The following UNC13B variants were observed in gnomAD, a reference collection of about 807,000 sequenced individuals.
The protein encoded by UNC13B is unc-13 homolog B, also known as protein unc-13 homolog B.
In UNC13B, 144 loss-of-function variants were observed where a neutral mutation model predicts 211.0. The ratio of observed to expected loss-of-function variants is 0.68; its 90% confidence interval spans 0.60 to 0.78. UNC13B has a LOEUF of 0.78. Among genes scored for constraint, UNC13B ranks in the 30% least tolerant of loss-of-function variants. The pLI, the probability that UNC13B is intolerant of heterozygous loss-of-function variation, is 0.00. For missense variants in UNC13B, 1,777 were observed against 2,002.0 expected, an observed-to-expected ratio of 0.89 and a Z score of 2.14; for synonymous variants, 709 against 725.8, an observed-to-expected ratio of 0.98 and a Z score of 0.37.
At chr9:35,309,112 A>G (rs1055601487) in intron 9 of UNC13B, among the ~76,000 whole-genome samples, 1 of 152,138 alleles carries the variant, frequency 6.6e-6, no homozygotes, top group Non-Finnish European at 1.5e-5. Flanking sequence ...TACAGGATCT[A>G]TCTGCAGAGG....
chr9:35,291,130 C>G, intron 7 of UNC13B: 1 of 1,549,372 alleles, frequency 6.5e-7, no homozygotes, highest in Non-Finnish European at 8.7e-7. Context: ...AATTCCTTAT[C>G]ATTTTCTTGA....
At chr9:35,399,311 C>A (rs1296562684) in intron 34 of UNC13B, 27 bp downstream of exon 34, 15 of 1,614,164 alleles carry the variant, frequency 9.3e-6, no homozygotes, top group Non-Finnish European at 1.3e-5. Context: ...CCACTTCCTC[C>A]TGCTGTCTCC....
At chr9:35,199,236 C>A (rs1587354270) in intron 1 of UNC13B, among the ~76,000 whole-genome samples, 1 of 152,340 alleles carries the variant, frequency 6.6e-6, no homozygotes. Context: ...TTAATCCGAT[C>A]TATCACTGAT....
At chr9:35,222,117 A>G (rs751006180) in intron 1 of UNC13B, among the ~76,000 whole-genome samples, 1 of 152,078 alleles carries the variant, frequency 6.6e-6, no homozygotes, top group Non-Finnish European at 1.5e-5. Context: ...TTTTCCCCCA[A>G]AATGTTTTTT....
rs984355820 is a variant in UNC13B, at chr9:35,304,568, T to C, written c.5164T>C (p.Ser1722Pro). The C allele has an allele frequency of 2.5e-6, 1 of 398,608 alleles. No individual in the cohort carries two copies. The highest frequency in any genetic ancestry group is 2.1e-5 in the African/African-American group (1 of 48,560). 24.7% of individuals were successfully genotyped at this position (398,608 alleles called of 1,614,324 possible). ...TTCCAGTTTCCATTGGCTTCAGTCT[T>C]CTGTTGAAGAAGTTACCACTTTGGT... ...HLSSFHWLQS[S>P]VEEVTTLVHP... Residue 1722 changes from serine (S) to proline (P), a missense_variant, in exon 9 of 40, where the codon TCT (serine) becomes CCT (proline). Transcript: ENST00000635942.
intron 6 of UNC13B, among the ~76,000 whole-genome samples, chr9:35,243,869 A>G (rs1825940482): frequency 6.6e-6 from 1 of 152,126 alleles, no homozygotes; most frequent in East Asian, 1.9e-4. Flanking sequence ...ATGGAGGGAA[A>G]AGATGATAAA....
rs149253291 is a variant in UNC13B, at chr9:35,381,340, G to A, written c.10491+125G>A. The A allele has an allele frequency of 8.9e-6, 9 of 1,011,576 alleles. No homozygotes were observed. In the South Asian group the frequency reaches 1.3e-4, roughly 15 times the overall value. 62.7% of individuals were successfully genotyped at this position (1,011,576 alleles called of 1,614,324 possible). On this transcript the variant is annotated intron_variant, in intron 19 of 39. Coordinates refer to ENST00000635942, the MANE Select transcript of UNC13B (RefSeq NM_001371189.2). ...TTAAATTTTATCCTTGATTCACTCTGTTACCCTGGAGAGTCCGAGTGACTG... is the reference window on the plus strand; with the variant it reads ...TTAAATTTTATCCTTGATTCACTCTATTACCCTGGAGAGTCCGAGTGACTG...
chr9:35,368,778 AC>A (rs1183393845), intron 12 of UNC13B, among the ~76,000 whole-genome samples: 4 of 146,586 alleles, frequency 2.7e-5, no homozygotes, highest in African/African-American at 1.0e-4. Context: ...TGAATGAGCT[AC>A]CCCCTTCTTC....
At chr9:35,273,080 G>A (rs1482734538) in intron 7 of UNC13B, among the ~76,000 whole-genome samples, 1 of 152,130 alleles carries the variant, frequency 6.6e-6, no homozygotes, top group Non-Finnish European at 1.5e-5. Flanking sequence ...AATGTCCTGA[G>A]TACGAATCAT....
intron 7 of UNC13B, among the ~76,000 whole-genome samples, chr9:35,266,005 G>A (rs1827553447): frequency 6.6e-6 from 1 of 151,856 alleles, no homozygotes; most frequent in Admixed American, 6.6e-5. Flanking sequence ...TTGTATTTTT[G>A]TTGGCCAGGC....
At chr9:35,282,693 C>A (rs1828571636) in intron 7 of UNC13B, among the ~76,000 whole-genome samples, 4 of 152,250 alleles carry the variant, frequency 2.6e-5, no homozygotes, top group African/African-American at 9.6e-5. Context: ...CCTCAGTCTC[C>A]CAAAGTGATG....
intron 24 of UNC13B, among the ~76,000 whole-genome samples, chr9:35,388,853 C>T (rs764765658): frequency 4.6e-5 from 7 of 152,256 alleles, no homozygotes; most frequent in East Asian, 1.9e-4. Context: ...AGAAAGATCA[C>T]GATAGCTGCA....
In UNC13B at chr9:35,389,957, A is replaced by C; in HGVS notation, c.11206A>C (p.Thr3736Pro). 6.2e-7 allele frequency: 1 copy of C among 1,614,044 alleles called. No individual in the cohort carries two copies. Among genetic ancestry groups the C allele is most frequent in the South Asian group, 1.1e-5 (1 of 91,058 alleles). ...SIIEEDKNSY[T>P]PVLNQFPQEL... ...CATAGAGGAAGATAAGAATTCCTAC[A>C]CACCTGTTCTGAACCAGTGAGTATC... Residue 3736 changes from threonine to proline, a missense_variant, in exon 25 of 40, where the codon ACA (threonine) becomes CCA (proline). By Grantham distance (38) the Thr-to-Pro change is conservative. Transcript: ENST00000635942.
chr9:35,162,862 A>T (rs1463570819), intron 1 of UNC13B, among the ~76,000 whole-genome samples: 1 of 152,182 alleles, frequency 6.6e-6, no homozygotes, highest in Non-Finnish European at 1.5e-5. Flanking sequence ...TTTGAGGATA[A>T]GAGGTATGAT....
rs1465631920 is a variant in UNC13B at position 35,226,847 on chromosome 9, C to CT, written c.23-1168_23-1167insT. On this transcript the variant is annotated intron_variant, in intron 1 of 39. Coordinates refer to ENST00000635942, the MANE Select transcript of UNC13B (RefSeq NM_001371189.2). ...TCTCCTTTGGCAACACCCTTACAGACACAGCCAGGAACAATACTTTGCATC... is the reference window on the plus strand; with the variant it reads ...TCTCCTTTGGCAACACCCTTACAGACTACAGCCAGGAACAATACTTTGCATC... Among the ~76,000 whole-genome samples the CT allele has an allele frequency of 8.5e-3, 1,300 of 152,314 alleles. 12 individuals are homozygous for CT. The highest frequency in any genetic ancestry group is 0.03 in the African/African-American group (1,230 of 41,568).
chr9:35,389,827 C>T lies in UNC13B; in HGVS notation c.11095-19C>T, dbSNP rs1176694097. 1 of 1,613,904 alleles carries T rather than the reference C, an allele frequency of 6.2e-7. No individual in the cohort carries two copies. The highest frequency in any genetic ancestry group is 1.7e-5 in the Admixed American group (1 of 60,020). On this transcript the variant is annotated intron_variant, in intron 24 of 39. Transcript: ENST00000635942. Reference sequence around the variant, plus strand: ...TCTGACTCTTTCTCCCTCTCTCTCACTGTGTCCTCTGGATCAAGAAGCAGG... The same window carrying T: ...TCTGACTCTTTCTCCCTCTCTCTCATTGTGTCCTCTGGATCAAGAAGCAGG...
chr9:35,375,331 T>C (rs1244218566), intron 14 of UNC13B, 130 bp downstream of exon 14: 2 of 985,918 alleles, frequency 2.0e-6, no homozygotes, highest in Non-Finnish European at 3.2e-6. Context: ...ATGAAAAAGA[T>C]AGATAGCATC....
intron 7 of UNC13B, among the ~76,000 whole-genome samples, chr9:35,284,705 G>A (rs564272689): frequency 1.8e-4 from 27 of 152,252 alleles, no homozygotes; most frequent in East Asian, 7.7e-4. Context: ...AGTACTTACC[G>A]AATCAACTGT....
chr9:35,185,423 T>C (rs1161433150), intron 1 of UNC13B, among the ~76,000 whole-genome samples: 1 of 152,226 alleles, frequency 6.6e-6, no homozygotes, highest in Admixed American at 6.5e-5. Flanking sequence ...AACCAACTAC[T>C]ATGTCCTATG....
Sources: allele counts gnomAD v4.1 joint callset (sites outside exome capture counted in the v4.1 genomes callset), GRCh38; gene constraint gnomAD v4.1.1; transcripts MANE v1.5; gene names NCBI Gene and HGNC (gene_info 2026-07-23, HGNC 2026-07-21).